The following MARCHF11 variants were observed in gnomAD, a reference collection of about 807,000 sequenced individuals.
MARCHF11 encodes the protein membrane associated ring-CH-type finger 11.
Under a neutral mutation model 37.3 loss-of-function variants are expected in MARCHF11, and 29 were observed. That is an observed-to-expected ratio of 0.78 (90% CI 0.58 to 1.06). The LOEUF (loss-of-function observed/expected upper bound fraction) is 1.06, where lower values mean the gene tolerates loss of function less well. MARCHF11 is among the 50% of genes least tolerant of loss of function. The pLI, the probability that MARCHF11 is intolerant of heterozygous loss-of-function variation, is 0.00. For synonymous variants in MARCHF11, 233 were observed against 228.0 expected (o/e 1.02, Z -0.20); for missense variants, 482 against 533.4 (o/e 0.90, Z 0.95).
intron 2 of MARCHF11, among the ~76,000 whole-genome samples, chr5:16,161,084 G>A (rs1000839716): frequency 7.9e-5 from 12 of 151,802 alleles, no homozygotes; most frequent in Admixed American, 2.0e-4. Context: ...TGTACACAAC[G>A]TGCAGGTTTG....
intron 2 of MARCHF11, among the ~76,000 whole-genome samples, chr5:16,132,288 C>G (rs576166928): frequency 6.6e-6 from 1 of 152,336 alleles, no homozygotes; most frequent in South Asian, 2.1e-4. Context: ...GGCCAGCTGG[C>G]TATGTTCCTT....
chr5:16,131,918 C>A (rs988293956), intron 2 of MARCHF11, among the ~76,000 whole-genome samples: 6 of 152,202 alleles, frequency 3.9e-5, no homozygotes, highest in Non-Finnish European at 8.8e-5. Context: ...AATTAAGTAG[C>A]AGGTGCTCTG....
chr5:16,088,455 C>T (rs1250611758), intron 3 of MARCHF11, among the ~76,000 whole-genome samples: 1 of 152,216 alleles, frequency 6.6e-6, no homozygotes, highest in African/African-American at 2.4e-5. Context: ...CTACTTTTCA[C>T]ACTAACACTG....
intron 2 of MARCHF11, among the ~76,000 whole-genome samples, chr5:16,117,276 A>T (rs2126574534): frequency 6.6e-6 from 1 of 152,316 alleles, no homozygotes; most frequent in South Asian, 2.1e-4. Flanking sequence ...ATATGACTGA[A>T]TTGGCTGTGC....
chr5:16,144,152 G>A (rs1250103196), intron 2 of MARCHF11, among the ~76,000 whole-genome samples: 1 of 152,112 alleles, frequency 6.6e-6, no homozygotes, highest in Non-Finnish European at 1.5e-5. Flanking sequence ...AGGAGTTATT[G>A]AGCTAACACA....
At chr5:16,135,636 G>C (rs1030772057) in intron 2 of MARCHF11, among the ~76,000 whole-genome samples, 1 of 152,094 alleles carries the variant, frequency 6.6e-6, no homozygotes, top group Non-Finnish European at 1.5e-5. Context: ...TTCAAGTGTT[G>C]ATATAGATGA....
intron 2 of MARCHF11, among the ~76,000 whole-genome samples, chr5:16,111,032 GAC>G (rs1300498520): frequency 6.6e-6 from 1 of 152,154 alleles, no homozygotes; most frequent in Non-Finnish European, 1.5e-5. Flanking sequence ...GCCAACATAA[GAC>G]CTGCCTTTCA....
Position 16,067,810 on chromosome 5 carries a change from T to TA in MARCHF11, c.887-18dup. The TA allele has an allele frequency of 1.3e-6, 2 of 1,588,328 alleles. No individual in the cohort carries two copies. Among genetic ancestry groups the TA allele is most frequent in the Non-Finnish European group, 1.7e-6 (2 of 1,168,136 alleles). On this transcript the variant is annotated splice_polypyrimidine_tract_variant and intron_variant, in intron 3 of 3. Coordinates refer to ENST00000332432, the MANE Select transcript of MARCHF11 (RefSeq NM_001102562.3). ...CAATGAGACCTAAAATTTGAGAAAA[T>TA]AAAAAACCAAAAAGACTGGTGATAA...
At chr5:16,175,253 T>C (rs1169124902) in intron 2 of MARCHF11, among the ~76,000 whole-genome samples, 2 of 152,238 alleles carry the variant, frequency 1.3e-5, no homozygotes, top group African/African-American at 2.4e-5. Flanking sequence ...TAAATGACAG[T>C]TGTTGTTTAA....
intron 3 of MARCHF11, among the ~76,000 whole-genome samples, chr5:16,074,856 G>A (rs922167547): frequency 6.6e-6 from 1 of 152,158 alleles, no homozygotes; most frequent in African/African-American, 2.4e-5. Context: ...CCTAAATGAG[G>A]TCAGAGTTTC....
intron 2 of MARCHF11, among the ~76,000 whole-genome samples, chr5:16,177,001 C>A (rs1004748356): frequency 5.9e-5 from 9 of 152,078 alleles, no homozygotes; most frequent in African/African-American, 2.2e-4. Context: ...GTTCAAAGAA[C>A]CTGAATCTGT....
intron 2 of MARCHF11, among the ~76,000 whole-genome samples, chr5:16,126,161 G>A (rs1737402416): frequency 6.6e-6 from 1 of 152,176 alleles, no homozygotes; most frequent in African/African-American, 2.4e-5. Context: ...CATTGTTAAT[G>A]AAGGGATAAA....
chr5:16,178,001 A>T, intron 1 of MARCHF11, 120 bp from the exon 2 acceptor site: 1 of 939,612 alleles, frequency 1.1e-6, no homozygotes, highest in Non-Finnish European at 1.5e-6. Flanking sequence ...GCTCTATCAT[A>T]GGAAATGAAA....
At chr5:16,075,851 T>C (rs951815021) in intron 3 of MARCHF11, among the ~76,000 whole-genome samples, 15 of 152,128 alleles carry the variant, frequency 9.9e-5, no homozygotes, top group South Asian at 4.2e-4. Flanking sequence ...GGGGAACATA[T>C]GGGCAGGGCA....
At chr5:16,155,385 G>A (rs1737963850) in intron 2 of MARCHF11, among the ~76,000 whole-genome samples, 1 of 151,398 alleles carries the variant, frequency 6.6e-6, no homozygotes, top group Non-Finnish European at 1.5e-5. Flanking sequence ...TAAAAGAAGG[G>A]ATTTTCCATT....
At chr5:16,096,872 A>T (rs1291360027) in intron 2 of MARCHF11, among the ~76,000 whole-genome samples, 1 of 152,178 alleles carries the variant, frequency 6.6e-6, no homozygotes, top group Non-Finnish European at 1.5e-5. Flanking sequence ...TTTAGGAACC[A>T]ATTTCCTCTC....
chr5:16,085,414 T>C (rs1199340034), intron 3 of MARCHF11, among the ~76,000 whole-genome samples: 1 of 152,180 alleles, frequency 6.6e-6, no homozygotes, highest in Non-Finnish European at 1.5e-5. Flanking sequence ...ATTTTTATTT[T>C]TATTTTTTAG....
intron 2 of MARCHF11, among the ~76,000 whole-genome samples, chr5:16,109,103 T>TACACACACACACACAC (rs3031633): frequency 1.9e-3 from 268 of 141,410 alleles, no homozygotes; most frequent in African/African-American, 6.4e-3. Flanking sequence ...ACATAAGAAA[T>TACACACACACACACAC]ACACACACAC....
chr5:16,157,989 G>A (rs996705147), intron 2 of MARCHF11, among the ~76,000 whole-genome samples: 5 of 151,666 alleles, frequency 3.3e-5, no homozygotes, highest in African/African-American at 1.2e-4. Flanking sequence ...TCAATACTAA[G>A]AAAACAAATA....
Sources: gnomAD v4.1 joint callset for allele counts (sites outside exome capture counted in the v4.1 genomes callset) on GRCh38, gnomAD v4.1.1 for gene constraint, MANE v1.5 for transcripts, NCBI Gene and HGNC (gene_info 2026-07-23, HGNC 2026-07-21) for gene names.